The following DGKQ variants were observed in gnomAD, a reference collection of about 807,000 sequenced individuals.
DGKQ encodes the protein diacylglycerol kinase theta, also known as DAG kinase theta.
A neutral mutation model predicts 104.2 loss-of-function variants in DGKQ; 97 were observed. The ratio of observed to expected loss-of-function variants is 0.93; its 90% CI spans 0.79 to 1.10. The LOEUF is 1.10. Among genes scored for constraint, DGKQ ranks in the 50% least tolerant of loss-of-function variants. The pLI is 0.00. For synonymous variants in DGKQ, 736 were observed against 595.2 expected, an observed-to-expected ratio of 1.24 and a Z score of -3.44; for missense variants, 1,465 against 1,352.1, an observed-to-expected ratio of 1.08 and a Z score of -1.31.
intron 15 of DGKQ, 136 bp downstream of exon 15, chr4:965,040 G>C: frequency 1.5e-6 from 1 of 673,594 alleles, no homozygotes; most frequent in Non-Finnish European, 2.6e-6. Context: ...GCACCTACAA[G>C]CCCCCAGTGA....
At position 968,338 on chromosome 4, in the gene DGKQ, T is replaced by A. The variant is rs1712628573; in HGVS notation, c.607A>T (p.Thr203Ser). ...GCCAGCACGTCAGAGGAGCCGCACGTCTTCCTGCAGACCTCGCAGCGCGCT... is the reference window on the plus strand; with the variant it reads ...GCCAGCACGTCAGAGGAGCCGCACGACTTCCTGCAGACCTCGCAGCGCGCT... Reference protein sequence around the residue: ...SGARCEVCRKTCGSSDVLAGV... With the variant: ...SGARCEVCRKSCGSSDVLAGV... The change falls in exon 5 of 23, where the codon ACG (threonine) becomes TCG (serine). Residue 203 changes from threonine (T) to serine (S), a missense_variant. By Grantham distance (58) the Thr-to-Ser change is moderately conservative (BLOSUM62 1). Coordinates refer to ENST00000273814, the MANE Select transcript of DGKQ (RefSeq NM_001347.4). 3 of 1,327,212 alleles carry A rather than the reference T, an allele frequency of 2.3e-6. No homozygotes were observed. In the East Asian group the frequency reaches 1.1e-4, roughly 47 times the overall value. 82.2% of individuals were successfully genotyped at this position (1,327,212 alleles called of 1,614,324 possible).
chr4:962,211 G>A, intron 18 of DGKQ, 129 bp from the exon 19 acceptor site: 1 of 928,362 alleles, frequency 1.1e-6, no homozygotes, highest in Non-Finnish European at 1.6e-6. Flanking sequence ...GCACCCAGGA[G>A]AGGGCAGCAT....
At chr4:961,661 C>T (rs1306355127) in intron 20 of DGKQ, 27 bp downstream of exon 20, 2 of 1,611,666 alleles carry the variant, frequency 1.2e-6, no homozygotes, top group East Asian at 2.2e-5. Context: ...CCGGGCAGAG[C>T]CTCTGGGGAG....
chr4:967,566 C>A lies in DGKQ; in HGVS notation c.970G>T (p.Gly324Cys), dbSNP rs529521985. The change falls in exon 8 of 23, where the codon GGT becomes TGT. Residue 324 changes from glycine (G) to cysteine (C), a missense_variant. By Grantham distance (159) the Gly-to-Cys change is radical. Transcript: ENST00000273814. ...CCCCTTACCAGCACCTCCTCGGCACCGGCCAGGCGGGACACCGTGACGAGG... is the reference window on the plus strand; with the variant it reads ...CCCCTTACCAGCACCTCCTCGGCACAGGCCAGGCGGGACACCGTGACGAGG... ...FRLVTVSRLA[G>C]AEEVLEAALR... 5 of 1,612,516 alleles carry A rather than the reference C, an allele frequency of 3.1e-6. No individual in the cohort carries two copies. In the East Asian group the frequency reaches 1.1e-4, roughly 36 times the overall value.
intron 15 of DGKQ, among the ~76,000 whole-genome samples, chr4:964,788 T>C (rs1381140546): frequency 6.6e-6 from 1 of 152,176 alleles, no homozygotes; most frequent in African/African-American, 2.4e-5. Flanking sequence ...AAACACGCTC[T>C]GGCCCTTGGC....
Position 968,847 on chromosome 4 carries a change from G to A in DGKQ, c.415C>T (p.Arg139Cys), listed in dbSNP as rs758699801. 25 of 1,610,780 alleles carry A rather than the reference G, an allele frequency of 1.6e-5. No homozygotes were observed. The highest frequency in any genetic ancestry group is 4.0e-5 in the African/African-American group (3 of 74,882). The change falls in exon 3 of 23, where the codon CGC becomes TGC. Residue 139 changes from arginine (R) to cysteine (C), a missense_variant. Transcript: ENST00000273814. ...AGCGCCGGTGCCTCCAGGACCTTGC[G>A]GCAGACAGCACAGAACTTGCGCTTG... is the stretch of plus-strand genomic sequence containing the variant. ...LHKRKFCAVC[R>C]KVLEAPALHC...
chr4:962,043 C>T lies in DGKQ; in HGVS notation c.2254G>A (p.Ala752Thr), dbSNP rs137972534. 8.1e-6 allele frequency: 13 copies of T among 1,612,840 alleles called. No homozygotes were observed. The highest frequency in any genetic ancestry group is 3.3e-5 in the Admixed American group (2 of 59,990). ...TGGTGGAAGTCCAGGCTCAGCTCCG[C>T]GTCGATGCCAATGCCACAGTAGTTA... ...MSNYCGIGIDAELSLDFHQAR... is the reference protein window; with the variant it reads ...MSNYCGIGIDTELSLDFHQAR... The change falls in exon 19 of 23, where the codon GCG (alanine) becomes ACG (threonine). Residue 752 changes from alanine to threonine, a missense_variant. By Grantham distance (58) the Ala-to-Thr change is moderately conservative. Transcript: ENST00000273814.
At chr4:972,566 G>A (rs555061392) in intron 1 of DGKQ, among the ~76,000 whole-genome samples, 78 of 147,396 alleles carry the variant, frequency 5.3e-4, no homozygotes, top group African/African-American at 1.9e-3. Context: ...AGGCTGGGCT[G>A]TGGTCCCCCT....
intron 10 of DGKQ, 40 bp downstream of exon 10, chr4:966,924 C>T (rs749571629): frequency 6.5e-7 from 1 of 1,548,234 alleles, no homozygotes; most frequent in Non-Finnish European, 8.7e-7. Flanking sequence ...GACCCCCCAC[C>T]GAGTCTGGCC....
intron 5 of DGKQ, 93 bp from the exon 6 acceptor site, chr4:968,120 A>C: frequency 1.2e-6 from 1 of 837,344 alleles, no homozygotes; most frequent in Non-Finnish European, 1.6e-6. Flanking sequence ...CACGACGCAG[A>C]CCCACCTGGA....
rs1268485305 is a variant in DGKQ at position 959,739 on chromosome 4, A to T, written c.*881T>A. ...TCCTCCACGTGCATGGGCTGTTTAC[A>T]CCTCCCAAACTCCTCTGCACCGCCA... On this transcript the variant is annotated 3_prime_UTR_variant, in exon 23 of 23. Coordinates refer to ENST00000273814, the MANE Select transcript of DGKQ (RefSeq NM_001347.4). 6.6e-6 allele frequency: 1 copy of T among 151,904 alleles called. No homozygotes were observed. Among genetic ancestry groups the T allele is most frequent in the Non-Finnish European group, 1.5e-5 (1 of 68,028 alleles). 9.4% of individuals were successfully genotyped at this position (151,904 alleles called of 1,614,324 possible).
intron 12 of DGKQ, 47 bp from the exon 13 acceptor site, chr4:966,125 C>T (rs1190628826): frequency 3.3e-6 from 5 of 1,536,818 alleles, no homozygotes; most frequent in Non-Finnish European, 4.4e-6. Context: ...AACGGCACCA[C>T]CGCACCAGGC....
chr4:961,897 G>A (rs1046571019), intron 19 of DGKQ, 63 bp from the exon 20 acceptor site: 24 of 1,603,206 alleles, frequency 1.5e-5, no homozygotes, highest in African/African-American at 2.7e-5. Flanking sequence ...GGCAGCCTCC[G>A]GGTTCCGGCC....
Position 967,736 on chromosome 4 carries a change from G to A in DGKQ, c.878C>T (p.Pro293Leu), listed in dbSNP as rs753197344. ...VGPGRETQAT[P>L]ESGKQTLKIF... ...ATGAGGCGGGCACTTACCGGACTCC[G>A]GAGTTGCCTGTGTCTCTCTGCCTGG... is the stretch of plus-strand genomic sequence containing the variant. The change falls in exon 7 of 23, where the codon CCG becomes CTG. Residue 293 changes from proline (P) to leucine (L), a missense_variant. Physicochemically the swap from Pro to Leu is moderately conservative, Grantham distance 98. Coordinates refer to ENST00000273814, the MANE Select transcript of DGKQ (RefSeq NM_001347.4). 1.4e-5 allele frequency: 23 copies of A among 1,611,048 alleles called. No homozygotes were observed. The South Asian group carries it at 2.0e-4, about 14-fold the overall frequency.
At chr4:963,370 C>G (rs1006275159) in intron 15 of DGKQ, 80 bp from the exon 16 acceptor site, 21 of 1,378,598 alleles carry the variant, frequency 1.5e-5, no homozygotes, top group African/African-American at 4.3e-5. Flanking sequence ...CAGTGCCCAG[C>G]CCCCAACCCT....
rs1180410759 is a variant in DGKQ at position 968,016 on chromosome 4, G to A, written c.675C>T (p.Leu225=). 2 of 1,438,386 alleles carry A rather than the reference G, an allele frequency of 1.4e-6. No homozygotes were observed. Among genetic ancestry groups the A allele is most frequent in the Non-Finnish European group, 9.0e-7 (1 of 1,105,004 alleles). The allele number at this position is 1,438,386 out of a possible 1,614,324, so 89.1% of individuals were successfully genotyped here. A position where few individuals can be genotyped will look rare whatever the true frequency, so the allele number is the denominator to read the frequency against. ...ACTCGGGAGCCAGCGCCGCGGAGCA[G>A]AGGGAGTGCGCCTGGGGGGAGAAGG... ...CEWCGVQAHS[L]CSAALAPECG... Residue 225 remains leucine, a synonymous_variant, in exon 6 of 23, where the codon CTC becomes CTT. Coordinates refer to ENST00000273814, the MANE Select transcript of DGKQ (RefSeq NM_001347.4).
At position 967,659 on chromosome 4, in the gene DGKQ, G is replaced by A. The variant is rs1274077837; in HGVS notation, c.887-10C>T. 1.2e-6 allele frequency: 2 copies of A among 1,612,516 alleles called. No homozygotes were observed. The highest frequency in any genetic ancestry group is 2.7e-5 in the African/African-American group (2 of 74,912). On this transcript the variant is annotated splice_polypyrimidine_tract_variant and intron_variant, in intron 7 of 22. Coordinates refer to ENST00000273814, the MANE Select transcript of DGKQ (RefSeq NM_001347.4). ...TTCAGCGTTTGCTTCCCTGGGCCGG[G>A]TAAGCTCCGTGAGTCCCGGGCGCCC...
At chr4:970,026 C>T (rs953440893) in intron 2 of DGKQ, among the ~76,000 whole-genome samples, 10 of 152,290 alleles carry the variant, frequency 6.6e-5, no homozygotes, top group African/African-American at 1.7e-4. Flanking sequence ...GCGGCAGCCT[C>T]GGGCCGTCCA....
intron 22 of DGKQ, 115 bp from the exon 23 acceptor site, chr4:960,836 A>G: frequency 6.7e-7 from 1 of 1,498,256 alleles, no homozygotes; most frequent in East Asian, 2.4e-5. Flanking sequence ...GCCCCATTTC[A>G]CGGAAGGGGA....
Sources: gnomAD v4.1 joint callset for allele counts (sites outside exome capture counted in the v4.1 genomes callset) on GRCh38, gnomAD v4.1.1 for gene constraint, MANE v1.5 for transcripts, NCBI Gene and HGNC (gene_info 2026-07-23, HGNC 2026-07-21) for gene names.